MKLN1: variants seen among roughly 807,000 people sequenced by gnomAD.
MKLN1 encodes the protein muskelin 1, also known as muskelin.
In MKLN1, 18 loss-of-function variants were observed where a neutral mutation model predicts 99.0. The observed-to-expected ratio is 0.18, with a 90% confidence interval of 0.13 to 0.27. The LOEUF (loss-of-function observed/expected upper bound fraction) is 0.27, where lower values mean the gene tolerates loss of function less well. Among genes scored for constraint, MKLN1 ranks in the 10% least tolerant of loss-of-function variants. MKLN1 has a pLI of 1.00. For synonymous variants in MKLN1, 288 were observed against 293.2 expected, an observed-to-expected ratio of 0.98 and a Z score of 0.18; for missense variants, 621 against 875.9, an observed-to-expected ratio of 0.71 and a Z score of 3.67.
chr7:131,167,050 C>T (rs1796136420), intron 2 of MKLN1, among the ~76,000 whole-genome samples: 1 of 152,068 alleles, frequency 6.6e-6, no homozygotes, highest in Non-Finnish European at 1.5e-5. Context: ...AGCAACACTT[C>T]CCCCGCCACA....
intron 3 of MKLN1, among the ~76,000 whole-genome samples, chr7:131,282,366 A>G (rs895780657): frequency 2.1e-4 from 32 of 151,934 alleles, no homozygotes; most frequent in African/African-American, 1.9e-4. Context: ...AAAAAAAAAA[A>G]AAAGAAAGAT....
In MKLN1 at chr7:131,192,087, T is replaced by TAAA. The variant is rs1563247082; in HGVS notation, c.-296-10769_-296-10768insAAA. Among the ~76,000 whole-genome samples, 11 of 75,574 alleles carry TAAA rather than the reference T, an allele frequency of 1.5e-4. 3 individuals carry two copies. Among genetic ancestry groups the TAAA allele is most frequent in the African/African-American group, 6.2e-4 (10 of 16,056 alleles). The allele number at this position is 75,574 out of a possible 152,430, so 49.6% of individuals were successfully genotyped here. On this transcript the variant is annotated intron_variant, in intron 2 of 7. Transcript: ENST00000416992. ...ATATATTATATATATACATATATATTATATATATATGTATATATATATTAT... is the reference window on the plus strand; with the variant it reads ...ATATATTATATATATACATATATATTAAAATATATATATGTATATATATATTAT...
Position 131,138,040 on chromosome 7 carries a change from C to T in MKLN1, c.-418-4780C>T, listed in dbSNP as rs192030827. 1.4e-3 allele frequency among the ~76,000 whole-genome samples: 214 copies of T among 151,938 alleles called. 2 individuals are homozygous for T. Among genetic ancestry groups the T allele is most frequent in the South Asian group, 1.9e-3 (9 of 4,824 alleles). ...TCCCGGGTTCAAGTGATTCTCCTGCCTCAATCTCATGAGTAGCTGGGATTA... is the reference window on the plus strand; with the variant it reads ...TCCCGGGTTCAAGTGATTCTCCTGCTTCAATCTCATGAGTAGCTGGGATTA... On this transcript the variant is annotated intron_variant, in intron 1 of 7. Transcript: ENST00000416992.
At chr7:131,283,076 A>G (rs181702250) in intron 3 of MKLN1, among the ~76,000 whole-genome samples, 2 of 152,272 alleles carry the variant, frequency 1.3e-5, no homozygotes, top group Admixed American at 1.3e-4. Context: ...CAATCTGCAT[A>G]CGTTACTGAG....
intron 2 of MKLN1, among the ~76,000 whole-genome samples, chr7:131,170,292 TAAAG>T (rs1390285098): frequency 6.6e-6 from 1 of 152,146 alleles, no homozygotes; most frequent in African/African-American, 2.4e-5. Context: ...CATTTTTAGA[TAAAG>T]AAACTGAGGC....
intron 3 of MKLN1, among the ~76,000 whole-genome samples, chr7:131,207,066 G>A (rs1045207488): frequency 3.9e-5 from 6 of 152,044 alleles, no homozygotes; most frequent in African/African-American, 1.4e-4. Flanking sequence ...CTAAGGTTTT[G>A]GTGAATACAG....
At chr7:131,275,567 A>ATATATATTTTT (rs1336398554) in intron 3 of MKLN1, among the ~76,000 whole-genome samples, 1 of 5,620 alleles carries the variant, frequency 1.8e-4, no homozygotes, top group African/African-American at 4.0e-4. Context: ...ATATATATAT[A>ATATATATTTTT]TTTTTTTTTT....
chr7:131,482,882 G>A (rs1243409677), intron 17 of MKLN1, among the ~76,000 whole-genome samples: 1 of 152,184 alleles, frequency 6.6e-6, no homozygotes. Context: ...GCCCTATGAA[G>A]TAGCTACTGT....
chr7:131,150,533 A>G (rs145648305), intron 2 of MKLN1, among the ~76,000 whole-genome samples: 13 of 152,198 alleles, frequency 8.5e-5, no homozygotes, highest in African/African-American at 1.2e-4. Flanking sequence ...GCTATTTCAC[A>G]AAGTCATTGT....
At chr7:131,120,296 C>G (rs771836681) in intron 1 of MKLN1, among the ~76,000 whole-genome samples, 1 of 151,574 alleles carries the variant, frequency 6.6e-6, no homozygotes, top group South Asian at 2.1e-4. Context: ...GAGGCCGAGG[C>G]GGGTGGATCA....
chr7:131,145,049 G>A (rs1027063079), intron 2 of MKLN1, among the ~76,000 whole-genome samples: 5 of 152,236 alleles, frequency 3.3e-5, no homozygotes, highest in African/African-American at 9.6e-5. Flanking sequence ...CGGATCTCCA[G>A]GGATCTAATG....
intron 16 of MKLN1, 107 bp downstream of exon 16, chr7:131,471,051 TATG>T (rs546408881): frequency 3.2e-5 from 22 of 688,762 alleles, no homozygotes; most frequent in East Asian, 1.4e-4. Context: ...ACGAAGAAAA[TATG>T]ATGACATCAG....
In MKLN1 at chr7:131,151,102, A is replaced by C. The variant is rs142979311; in HGVS notation, c.-297+8161A>C. On this transcript the variant is annotated intron_variant, in intron 2 of 7. Coordinates refer to the MKLN1 transcript ENST00000416992. ...GTTAACTATATTTTTCTTTAAGTGC[A>C]TCTGCTGTCATGGCCTTACATTTAT... 6.5e-3 allele frequency among the ~76,000 whole-genome samples: 993 copies of C among 152,318 alleles called. 14 individuals are homozygous for C. The highest frequency in any genetic ancestry group is 0.022 in the African/African-American group (932 of 41,562).
chr7:131,344,390 G>C lies in MKLN1; in HGVS notation c.98+16393G>C, dbSNP rs114162287. 2.9e-3 allele frequency among the ~76,000 whole-genome samples: 441 copies of C among 152,030 alleles called. 4 individuals carry two copies. The highest frequency in any genetic ancestry group is 0.01 in the African/African-American group (415 of 41,486). ...TTTTTTAAAGTGAGGAGCTATCAAAGGATTTTTTAATAGAAAAGTGATGTG... is the reference window on the plus strand; with the variant it reads ...TTTTTTAAAGTGAGGAGCTATCAAACGATTTTTTAATAGAAAAGTGATGTG... On this transcript the variant is annotated intron_variant, in intron 1 of 17. Transcript: ENST00000352689.
chr7:131,428,601 C>T (rs766318434), intron 8 of MKLN1, among the ~76,000 whole-genome samples: 1 of 152,042 alleles, frequency 6.6e-6, no homozygotes, highest in Non-Finnish European at 1.5e-5. Context: ...TTTTTAGAAT[C>T]TGAATTAAAA....
chr7:131,431,959 C>T (rs1278331390), intron 9 of MKLN1, among the ~76,000 whole-genome samples: 3 of 152,170 alleles, frequency 2.0e-5, no homozygotes, highest in African/African-American at 4.8e-5. Flanking sequence ...TTCTTTAAAA[C>T]TCAGTTCAGA....
chr7:131,467,357 A>G (rs1354828585), intron 15 of MKLN1, among the ~76,000 whole-genome samples: 5 of 152,236 alleles, frequency 3.3e-5, no homozygotes, highest in Non-Finnish European at 7.3e-5. Flanking sequence ...AGGAATTTAT[A>G]TTACATGTTA....
chr7:131,122,635 C>T (rs997042376), intron 1 of MKLN1, among the ~76,000 whole-genome samples: 14 of 152,044 alleles, frequency 9.2e-5, no homozygotes, highest in African/African-American at 2.9e-4. Context: ...CCCCAGTTTC[C>T]CATGAGAGAG....
intron 2 of MKLN1, among the ~76,000 whole-genome samples, chr7:131,192,246 A>T (rs1796570483): frequency 1.1e-5 from 1 of 92,406 alleles, no homozygotes; most frequent in African/African-American, 4.7e-5. Context: ...TAAATATATA[A>T]AATATAATAT....
Sources: allele counts gnomAD v4.1 joint callset (sites outside exome capture counted in the v4.1 genomes callset), GRCh38; gene constraint gnomAD v4.1.1; transcripts MANE v1.5; gene names NCBI Gene and HGNC (gene_info 2026-07-23, HGNC 2026-07-21).